MUS81: variants seen among roughly 807,000 people sequenced by gnomAD.
MUS81 encodes structure-specific endonuclease subunit MUS81.
MUS81 carries 69 observed loss-of-function variants against 74.2 expected under a neutral mutation model. The observed-to-expected ratio is 0.93, with a 90% CI of 0.77 to 1.14. MUS81 has a LOEUF of 1.14. MUS81 is among the 50% of genes most tolerant of loss of function. The pLI is 0.00. For synonymous variants in MUS81, 303 were observed against 300.6 expected (o/e 1.01, Z -0.08); for missense variants, 711 against 726.5 (o/e 0.98, Z 0.25).
At chr11:65,863,309 T>C in intron 7 of MUS81, 101 bp from the exon 8 acceptor site, 11 of 1,581,100 alleles carry the variant, frequency 7.0e-6, no homozygotes, top group Non-Finnish European at 9.5e-6. Flanking sequence ...TGTGGCTGCC[T>C]CCCTACTGTG....
At position 65,865,875 on chromosome 11, in the gene MUS81, A is replaced by G. The variant is rs147084358; in HGVS notation, c.1570A>G (p.Lys524Glu). ...ACAAGAGACACTGCTGAGCACCATT[A>G]AGTGTGGGCGTCTACAGAGGTGAGG... ...KEQETLLSTI[K>E]CGRLQRNLGP... The change falls in exon 15 of 16, where the codon AAG (lysine) becomes GAG (glutamate). Residue 524 changes from lysine (K) to glutamate (E), a missense_variant. Coordinates refer to ENST00000308110, the MANE Select transcript of MUS81 (RefSeq NM_025128.5). The G allele has an allele frequency of 2.1e-5, 34 of 1,613,946 alleles. No individual in the cohort carries two copies. Among genetic ancestry groups the G allele is most frequent in the Non-Finnish European group, 2.7e-5 (32 of 1,179,996 alleles).
At position 65,863,062 on chromosome 11, in the gene MUS81, C is replaced by G. The variant is rs1859673057; in HGVS notation, c.606-3C>G. The stretch of plus-strand genomic sequence containing the variant: ...GAGCTGTGTTGTCCCCTCTGCCTCC[C>G]AGGTACTCATTGACCCCAGAGGGCC... On this transcript the variant is annotated splice_region_variant and splice_polypyrimidine_tract_variant and intron_variant, in intron 6 of 15. Transcript: ENST00000308110. The G allele has an allele frequency of 6.2e-7, 1 of 1,614,060 alleles. No individual in the cohort carries two copies. Among genetic ancestry groups the G allele is most frequent in the East Asian group, 2.2e-5 (1 of 44,884 alleles).
intron 10 of MUS81, chr11:65,864,176 A>G: frequency 1.7e-6 from 1 of 584,470 alleles, no homozygotes; most frequent in South Asian, 2.0e-5. Context: ...CAAGGCATAA[A>G]CCTCCAGGAG....
Position 65,866,154 on chromosome 11 carries a change from T to A in MUS81, c.*102T>A, listed in dbSNP as rs1859828363. The A allele has an allele frequency of 7.1e-6, 8 of 1,134,278 alleles. No individual in the cohort carries two copies. The East Asian group carries it at 2.0e-4, about 28-fold the overall frequency. 70.3% of individuals were successfully genotyped at this position (1,134,278 alleles called of 1,614,324 possible). On this transcript the variant is annotated 3_prime_UTR_variant, in exon 16 of 16. Transcript: ENST00000308110. ...GGGGTACAATTAGAATCTAAGTGTT[T>A]GCAGCCATATGTGTCATGTAGAAGA... is the stretch of plus-strand genomic sequence containing the variant.
In MUS81 at chr11:65,863,218, G is replaced by GC; in HGVS notation, c.746+14dup. The GC allele has an allele frequency of 2.5e-6, 4 of 1,608,104 alleles. No homozygotes were observed. The highest frequency in any genetic ancestry group is 3.4e-6 in the Non-Finnish European group (4 of 1,176,684). ...CTTCAGCAGAGCTGTGAGGAGGAGG[G>GC]CAGAGGAGTGGGGAAAACAGGGAGG... is the stretch of plus-strand genomic sequence containing the variant. On this transcript the variant is annotated intron_variant, in intron 7 of 15. Transcript: ENST00000308110.
In MUS81 at chr11:65,864,187, TG is replaced by T. The variant is rs1489777299; in HGVS notation, c.1059+288del. The T allele has an allele frequency of 3.4e-5, 20 of 583,818 alleles. No individual in the cohort carries two copies. The African/African-American group carries it at 3.5e-4, about 10-fold the overall frequency. 36.2% of individuals were successfully genotyped at this position (583,818 alleles called of 1,614,324 possible). Reference sequence around the variant, plus strand: ...TAAACAAGGCATAAACCTCCAGGAGTGGAAATACAGAGGCTGTACCTTGGTA... The same window carrying T: ...TAAACAAGGCATAAACCTCCAGGAGTGAAATACAGAGGCTGTACCTTGGTA... On this transcript the variant is annotated intron_variant, in intron 10 of 15. Coordinates refer to ENST00000308110, the MANE Select transcript of MUS81 (RefSeq NM_025128.5).
downstream of MUS81, chr11:65,867,132 G>A (rs1859865327): frequency 2.5e-6 from 4 of 1,606,470 alleles, no homozygotes; most frequent in African/African-American, 5.4e-5. Flanking sequence ...TGTGTGCTAG[G>A]CCCCTGCCCC....
rs760582052 is a variant in MUS81, at chr11:65,865,150, T to C, written c.1401+5T>C. Reference sequence around the variant, plus strand: ...GCAGGAGCCATCAAGAATAAGGTACTGTCTCTGCCTAGCTTCTCAGACATG... The same window carrying C: ...GCAGGAGCCATCAAGAATAAGGTACCGTCTCTGCCTAGCTTCTCAGACATG... On this transcript the variant is annotated splice_donor_5th_base_variant and intron_variant, in intron 13 of 15. Coordinates refer to ENST00000308110, the MANE Select transcript of MUS81 (RefSeq NM_025128.5). The C allele has an allele frequency of 1.2e-6, 2 of 1,614,232 alleles. No homozygotes were observed. Among genetic ancestry groups the C allele is most frequent in the South Asian group, 2.2e-5 (2 of 91,090 alleles).
In MUS81 at chr11:65,865,859, A is replaced by C. The variant is rs761347540; in HGVS notation, c.1554A>C (p.Thr518=). 11 of 1,613,938 alleles carry C rather than the reference A, an allele frequency of 6.8e-6. No individual in the cohort carries two copies. The highest frequency in any genetic ancestry group is 9.3e-6 in the Non-Finnish European group (11 of 1,179,988). The change falls in exon 15 of 16, where the codon ACA becomes ACC. Residue 518 remains threonine (T), a synonymous_variant. Transcript: ENST00000308110. The part of the protein sequence containing the change: ...DACATPKEQE[T]LLSTIKCGRL... ...GTGCCACCCCCAAGGAACAAGAGAC[A>C]CTGCTGAGCACCATTAAGTGTGGGC...
intron 9 of MUS81, 29 bp downstream of exon 9, chr11:65,863,750 G>A: frequency 6.2e-7 from 1 of 1,614,156 alleles, no homozygotes; most frequent in Non-Finnish European, 8.5e-7. Flanking sequence ...GCTGGCACCA[G>A]GGGCAGGGCC....
At position 65,866,416 on chromosome 11, in the gene MUS81, C is replaced by T. The variant is rs775490203; in HGVS notation, c.*364C>T. 1.0e-4 allele frequency: 65 copies of T among 647,308 alleles called. No individual in the cohort carries two copies. The highest frequency in any genetic ancestry group is 3.9e-4 in the African/African-American group (21 of 54,350). 40.1% of individuals were successfully genotyped at this position (647,308 alleles called of 1,614,324 possible). A position where few individuals can be genotyped will look rare whatever the true frequency, so the allele number is the denominator to read the frequency against. ...AAAATAATAAAAATAAATAAAACTT[C>T]CTAAAAGAAAAGATTGAAAACCACT... On this transcript the variant is annotated 3_prime_UTR_variant, in exon 16 of 16. Transcript: ENST00000308110.
chr11:65,864,452 G>C (rs1859735084), intron 10 of MUS81, 45 bp from the exon 11 acceptor site: 2 of 1,543,812 alleles, frequency 1.3e-6, no homozygotes, highest in African/African-American at 2.7e-5. Flanking sequence ...CAGGCATGTG[G>C]TCATCCAGCC....
chr11:65,865,474 G>A, intron 14 of MUS81, 151 bp downstream of exon 14: 1 of 817,160 alleles, frequency 1.2e-6, no homozygotes, highest in Non-Finnish European at 1.9e-6. Flanking sequence ...GAGGTCAAGT[G>A]GGGAGGAAGC....
chr11:65,860,403 A>G (rs1318565739), upstream of MUS81: 1 of 493,720 alleles, frequency 2.0e-6, no homozygotes, highest in Non-Finnish European at 4.0e-6. Context: ...CCTCTCGCCT[A>G]CACAAAGACC....
In MUS81 at chr11:65,862,224, A is replaced by G. The variant is rs754889802; in HGVS notation, c.464A>G (p.His155Arg). The G allele has an allele frequency of 8.1e-6, 13 of 1,607,800 alleles. No individual in the cohort carries two copies. The highest frequency in any genetic ancestry group is 1.7e-4 in the Middle Eastern group (1 of 5,786). ...CCTTGGTTTCAGAATCCTAATGGTC[A>G]CCACTTCTTAACCAAGGAGGAGCTG... ...LYREHLNPNG[H>R]HFLTKEELLQ... Residue 155 changes from histidine to arginine, a missense_variant, in exon 5 of 16, where the codon CAC becomes CGC. Coordinates refer to ENST00000308110, the MANE Select transcript of MUS81 (RefSeq NM_025128.5).
chr11:65,863,041 T>C (rs747192884), intron 6 of MUS81, 24 bp from the exon 7 acceptor site: 1 of 1,613,702 alleles, frequency 6.2e-7, no homozygotes, highest in Non-Finnish European at 8.5e-7. Flanking sequence ...AAGGTAGAGC[T>C]GTGTTGTCCC....
chr11:65,860,314 T>C (rs1859536388), upstream of MUS81: 1 of 463,032 alleles, frequency 2.2e-6, no homozygotes, highest in Non-Finnish European at 4.3e-6. Context: ...TTAAGAGACC[T>C]TAGAGCCGCC....
chr11:65,861,865 C>T (rs540045824), intron 3 of MUS81, 82 bp from the exon 4 acceptor site: 5 of 1,115,222 alleles, frequency 4.5e-6, no homozygotes, highest in South Asian at 4.4e-5. Context: ...GAGTGACTTA[C>T]CCAGGGCCAC....
At position 65,863,481 on chromosome 11, in the gene MUS81, T is replaced by C; in HGVS notation, c.818T>C (p.Val273Ala). The C allele has an allele frequency of 1.2e-6, 2 of 1,613,998 alleles. No homozygotes were observed. The highest frequency in any genetic ancestry group is 1.7e-6 in the Non-Finnish European group (2 of 1,179,966). Residue 273 changes from valine (V) to alanine (A), a missense_variant, in exon 8 of 16, where the codon GTG becomes GCG. Val to Ala is a moderately conservative substitution (Grantham distance 64, BLOSUM62 0). Transcript: ENST00000308110. ...RPGEYRVLLC[V>A]DIGETRGGGH... ...GGAGAGTACAGGGTGCTGTTGTGTG[T>C]GGACATTGGCGAGACCCGGGGGTGA...
Sources: gnomAD v4.1 joint callset for allele counts on GRCh38, gnomAD v4.1.1 for gene constraint, MANE v1.5 for transcripts, NCBI Gene and HGNC (gene_info 2026-07-23, HGNC 2026-07-21) for gene names.